MEMO1: variants seen among roughly 807,000 people sequenced by gnomAD.
The protein encoded by MEMO1 is mediator of cell motility 1, also known as protein MEMO1.
Under a neutral mutation model 45.2 loss-of-function variants are expected in MEMO1, and 6 were observed. The observed-to-expected ratio is 0.13, with a 90% CI of 0.07 to 0.26. The LOEUF (loss-of-function observed/expected upper bound fraction) is 0.26, where lower values mean the gene tolerates loss of function less well. MEMO1 is among the 10% of genes least tolerant of loss of function. MEMO1 has a pLI of 1.00. For missense variants in MEMO1, 184 were observed against 370.5 expected, an observed-to-expected ratio of 0.50 and a Z score of 4.13; for synonymous variants, 78 against 124.3, an observed-to-expected ratio of 0.63 and a Z score of 2.48.
intron 2 of MEMO1, 55 bp downstream of exon 2, chr2:32,010,132 G>C: frequency 1.1e-6 from 1 of 950,330 alleles, no homozygotes; most frequent in Non-Finnish European, 1.3e-6. Flanking sequence ...TCGGCCGGCC[G>C]GGCGTGGGGC....
At chr2:31,960,990 T>C (rs1018403258) in intron 2 of MEMO1, among the ~76,000 whole-genome samples, 1 of 152,168 alleles carries the variant, frequency 6.6e-6, no homozygotes, top group Non-Finnish European at 1.5e-5. Flanking sequence ...GCAAATACTA[T>C]AAACAAAGTA....
chr2:31,868,552 T>G (rs1011103575), intron 9 of MEMO1, 60 bp from the exon 10 acceptor site: 12 of 1,465,250 alleles, frequency 8.2e-6, no homozygotes, highest in African/African-American at 4.4e-5. Flanking sequence ...GCACTCAATG[T>G]GTTTGCGGTT....
chr2:31,870,434 T>C (rs1673531645), intron 8 of MEMO1, among the ~76,000 whole-genome samples: 1 of 152,182 alleles, frequency 6.6e-6, no homozygotes, highest in South Asian at 2.1e-4. Flanking sequence ...TTCCATAACA[T>C]ATACTTAAAT....
intron 6 of MEMO1, among the ~76,000 whole-genome samples, chr2:31,908,500 T>C (rs1461670374): frequency 3.3e-5 from 5 of 151,636 alleles, no homozygotes; most frequent in African/African-American, 9.7e-5. Flanking sequence ...TATCTGAGAA[T>C]TGAGGTGACA....
intron 8 of MEMO1, 23 bp from the exon 9 acceptor site, chr2:31,869,975 G>C (rs746853569): frequency 7.5e-7 from 1 of 1,326,786 alleles, no homozygotes; most frequent in Non-Finnish European, 1.0e-6. Flanking sequence ...AAAAAGAAGA[G>C]GAAGAAAAAA....
In MEMO1 at chr2:31,947,393, A is replaced by G. The variant is rs562217189; in HGVS notation, c.62-4010T>C. 3.3e-5 allele frequency among the ~76,000 whole-genome samples: 5 copies of G among 152,342 alleles called. No individual in the cohort carries two copies. The South Asian group carries it at 8.3e-4, about 25-fold the overall frequency. ...ATTTATTACGTATGATTGCTTAATT[A>G]TCTATAAAGTGTCAAGTAAAAAGGT... is the stretch of plus-strand genomic sequence containing the variant. On this transcript the variant is annotated intron_variant, in intron 2 of 9. Coordinates refer to ENST00000404530, the MANE Select transcript of MEMO1 (RefSeq NM_001301833.4).
At chr2:31,920,948 A>T (rs1335068523) in intron 4 of MEMO1, 38 bp from the exon 5 acceptor site, 2 of 1,298,376 alleles carry the variant, frequency 1.5e-6, no homozygotes. Flanking sequence ...TAACAATTGC[A>T]CTTCTACACA....
chr2:31,913,517 G>GT lies in MEMO1; in HGVS notation c.437+4408dup, dbSNP rs5830218. On this transcript the variant is annotated intron_variant, in intron 6 of 9. Transcript: ENST00000404530. Reference sequence around the variant, plus strand: ...TATTTGTAGCCAAAGATGATTAAGAGTTTTTTTTTTTTTTTATTTTTTGAA... The same window carrying GT: ...TATTTGTAGCCAAAGATGATTAAGAGTTTTTTTTTTTTTTTTATTTTTTGAA... Among the ~76,000 whole-genome samples the GT allele has an allele frequency of 4.3e-3, 578 of 135,968 alleles. 3 individuals are homozygous for GT. The highest frequency in any genetic ancestry group is 0.014 in the South Asian group (60 of 4,278). 89.2% of individuals were successfully genotyped at this position (135,968 alleles called of 152,430 possible). A position where few individuals can be genotyped will look rare whatever the true frequency, so the allele number is the denominator to read the frequency against.
chr2:31,978,279 C>G (rs545072149), intron 2 of MEMO1, among the ~76,000 whole-genome samples: 4 of 152,142 alleles, frequency 2.6e-5, no homozygotes, highest in Admixed American at 6.5e-5. Flanking sequence ...CCCAGCTACT[C>G]AGAAGGCTAT....
At chr2:31,952,316 A>C (rs1444598561) in intron 2 of MEMO1, among the ~76,000 whole-genome samples, 1 of 152,182 alleles carries the variant, frequency 6.6e-6, no homozygotes, top group Non-Finnish European at 1.5e-5. Flanking sequence ...AGCAGAGGGC[A>C]ATTAACAATC....
At chr2:31,928,534 G>C (rs1400213832) in intron 4 of MEMO1, among the ~76,000 whole-genome samples, 2 of 120,246 alleles carry the variant, frequency 1.7e-5, no homozygotes, top group East Asian at 2.4e-4. Flanking sequence ...GTGACAAAGA[G>C]AGACTCCATC....
chr2:31,927,246 G>A (rs1683248243), intron 4 of MEMO1, among the ~76,000 whole-genome samples: 1 of 152,294 alleles, frequency 6.6e-6, no homozygotes, highest in East Asian at 1.9e-4. Context: ...CTTGAATCCA[G>A]GAGGTGGAGG....
intron 6 of MEMO1, among the ~76,000 whole-genome samples, chr2:31,907,193 C>T (rs1167832516): frequency 6.6e-6 from 1 of 152,144 alleles, no homozygotes; most frequent in Non-Finnish European, 1.5e-5. Context: ...TTCTGTGCTT[C>T]CCTAACTCAA....
chr2:31,891,924 G>T, intron 7 of MEMO1, 68 bp downstream of exon 7: 1 of 1,439,170 alleles, frequency 6.9e-7, no homozygotes, highest in Non-Finnish European at 9.4e-7. Flanking sequence ...TCAGAGCTTA[G>T]AATGAAAAGA....
intron 2 of MEMO1, among the ~76,000 whole-genome samples, chr2:31,971,196 C>G (rs1023173793): frequency 1.3e-5 from 2 of 152,132 alleles, no homozygotes; most frequent in African/African-American, 2.4e-5. Flanking sequence ...ATTGTAGGCC[C>G]TCTTTCTTAG....
intron 2 of MEMO1, among the ~76,000 whole-genome samples, chr2:31,951,160 G>C (rs952349578): frequency 6.6e-6 from 1 of 152,130 alleles, no homozygotes; most frequent in Non-Finnish European, 1.5e-5. Flanking sequence ...CTAGTATGTT[G>C]ACTGAAACAT....
chr2:31,967,484 T>G (rs1369125736), intron 2 of MEMO1, among the ~76,000 whole-genome samples: 2 of 152,102 alleles, frequency 1.3e-5, no homozygotes, highest in Non-Finnish European at 2.9e-5. Context: ...GGTCTTGCTG[T>G]GTCACCTGGC....
chr2:32,009,386 G>C (rs533514790), intron 2 of MEMO1, among the ~76,000 whole-genome samples: 2 of 149,378 alleles, frequency 1.3e-5, no homozygotes, highest in South Asian at 2.1e-4. Context: ...CAAGCCCCTA[G>C]CTTAGCAGTA....
At chr2:32,006,141 G>T (rs1311813111) in intron 2 of MEMO1, among the ~76,000 whole-genome samples, 1 of 152,232 alleles carries the variant, frequency 6.6e-6, no homozygotes, top group Non-Finnish European at 1.5e-5. Context: ...TAGGAAGATG[G>T]CAAGTTATGA....
Sources: allele counts gnomAD v4.1 joint callset (sites outside exome capture counted in the v4.1 genomes callset), GRCh38; gene constraint gnomAD v4.1.1; transcripts MANE v1.5; gene names NCBI Gene and HGNC (gene_info 2026-07-23, HGNC 2026-07-21).